LSAMP: variants seen among roughly 807,000 people sequenced by gnomAD.
LSAMP encodes the protein limbic system-associated membrane protein.
LSAMP carries 7 observed loss-of-function variants against 38.6 expected under a neutral mutation model. That is an observed-to-expected ratio of 0.18 (90% CI 0.10 to 0.34). The LOEUF (loss-of-function observed/expected upper bound fraction) is 0.34, where lower values mean the gene tolerates loss of function less well. Ranked by LOEUF, LSAMP falls within the 10% of genes least tolerant of loss-of-function variation. The probability of loss-of-function intolerance (pLI) is 1.00; values close to 1 mark genes in which losing one functional copy is unlikely to be tolerated. For missense variants in LSAMP, 313 were observed against 420.0 expected (o/e 0.75, Z 2.23); for synonymous variants, 154 against 166.8 (o/e 0.92, Z 0.59).
chr3:116,212,711 T>G (rs1489705918), intron 1 of LSAMP, among the ~76,000 whole-genome samples: 2 of 152,222 alleles, frequency 1.3e-5, no homozygotes, highest in African/African-American at 4.8e-5. Flanking sequence ...TATAAGTTTT[T>G]GTAAGTGCTA....
chr3:115,927,931 G>A (rs1175122921), intron 3 of LSAMP, among the ~76,000 whole-genome samples: 3 of 152,182 alleles, frequency 2.0e-5, no homozygotes, highest in Non-Finnish European at 2.9e-5. Context: ...CCAAGGAATT[G>A]TTACTTGATA....
chr3:116,366,017 A>T (rs1280384286), intron 1 of LSAMP, among the ~76,000 whole-genome samples: 33 of 137,822 alleles, frequency 2.4e-4, no homozygotes, highest in African/African-American at 7.3e-4. Flanking sequence ...GTATAATAAA[A>T]AAAAAAAAAA....
At chr3:116,251,260 A>T (rs1435314319) in intron 1 of LSAMP, among the ~76,000 whole-genome samples, 1 of 152,234 alleles carries the variant, frequency 6.6e-6, no homozygotes, top group Non-Finnish European at 1.5e-5. Context: ...TTCTCTGATG[A>T]AATCCTCACT....
chr3:116,310,049 A>G (rs115192806), intron 1 of LSAMP, among the ~76,000 whole-genome samples: 71 of 152,188 alleles, frequency 4.7e-4, no homozygotes, highest in African/African-American at 1.7e-3. Context: ...ATTCCTCATA[A>G]CTCTCAGTCC....
chr3:116,108,332 C>A (rs1189596484), intron 1 of LSAMP, among the ~76,000 whole-genome samples: 1 of 151,962 alleles, frequency 6.6e-6, no homozygotes, highest in East Asian at 1.9e-4. Flanking sequence ...AAAAGGAGTG[C>A]TTAAAAGAGT....
chr3:115,919,200 C>A (rs987007466), intron 3 of LSAMP, among the ~76,000 whole-genome samples: 3 of 152,176 alleles, frequency 2.0e-5, no homozygotes, highest in African/African-American at 7.2e-5. Flanking sequence ...CTTCCTGAAT[C>A]TAGAAATTAA....
intron 2 of LSAMP, among the ~76,000 whole-genome samples, chr3:116,029,840 T>G (rs1429691098): frequency 3.3e-5 from 5 of 152,024 alleles, no homozygotes; most frequent in Admixed American, 3.3e-4. Context: ...TAAAGCACAC[T>G]CTTTTGGGCC....
At chr3:116,027,225 C>G (rs1353621209) in intron 2 of LSAMP, among the ~76,000 whole-genome samples, 1 of 152,066 alleles carries the variant, frequency 6.6e-6, no homozygotes, top group Non-Finnish European at 1.5e-5. Flanking sequence ...CCCACTTGTG[C>G]AAAATAAAGA....
chr3:116,392,292 G>T (rs2048712713), intron 1 of LSAMP, among the ~76,000 whole-genome samples: 1 of 152,184 alleles, frequency 6.6e-6, no homozygotes, highest in African/African-American at 2.4e-5. Context: ...ACTCTAGGGG[G>T]CCTGGGAAGG....
chr3:116,354,708 A>G (rs1248099250), intron 1 of LSAMP, among the ~76,000 whole-genome samples: 1 of 152,234 alleles, frequency 6.6e-6, no homozygotes, highest in Non-Finnish European at 1.5e-5. Context: ...ATGCATACTC[A>G]AAAGGAAGTA....
Position 116,444,888 on chromosome 3 carries a change from T to G in LSAMP, c.144A>C (p.Thr48=), listed in dbSNP as rs1334123609. The G allele has an allele frequency of 6.2e-7, 1 of 1,613,948 alleles. No homozygotes were observed. The highest frequency in any genetic ancestry group is 1.3e-5 in the African/African-American group (1 of 74,892). The part of the protein sequence containing the change: ...TDNITVRQGD[T]AILRCVVEDK... ...CCCGAAAGCCCTACCTGAGGATGGC[T>G]GTGTCCCCCTGCCTCACGGTGATGT... Residue 48 remains threonine (T), a synonymous_variant, in exon 1 of 7, where the codon ACA becomes ACC. Coordinates refer to ENST00000490035, the MANE Select transcript of LSAMP (RefSeq NM_002338.5).
chr3:116,034,367 T>C (rs1343547946), intron 2 of LSAMP, among the ~76,000 whole-genome samples: 1 of 152,076 alleles, frequency 6.6e-6, no homozygotes, highest in Non-Finnish European at 1.5e-5. Context: ...TTTTAATCCA[T>C]GAGGAAAGGG....
chr3:115,948,424 A>G (rs1405459214), intron 3 of LSAMP, among the ~76,000 whole-genome samples: 1 of 152,184 alleles, frequency 6.6e-6, no homozygotes, highest in Non-Finnish European at 1.5e-5. Flanking sequence ...AAATCATATC[A>G]AGTATCCTCT....
intron 1 of LSAMP, among the ~76,000 whole-genome samples, chr3:116,353,970 C>T (rs895510156): frequency 6.6e-6 from 1 of 152,188 alleles, no homozygotes; most frequent in Admixed American, 6.5e-5. Context: ...AAATTTTATT[C>T]TGAACTTGAC....
rs529810025 is a variant in LSAMP at position 116,036,151 on chromosome 3, A to G, written c.389-16511T>C. On this transcript the variant is annotated intron_variant, in intron 2 of 6. Coordinates refer to ENST00000490035, the MANE Select transcript of LSAMP (RefSeq NM_002338.5). ...TGACCAAAATGACTCTGATGAAAGC[A>G]TCATTAAGAAGAGAAAATTACACAA... 3.7e-4 allele frequency among the ~76,000 whole-genome samples: 56 copies of G among 152,344 alleles called. 2 individuals carry two copies. The highest frequency in any genetic ancestry group is 3.3e-3 in the Admixed American group (50 of 15,300).
intron 1 of LSAMP, among the ~76,000 whole-genome samples, chr3:116,091,591 G>A (rs889209181): frequency 1.3e-5 from 2 of 152,158 alleles, no homozygotes; most frequent in Admixed American, 6.5e-5. Flanking sequence ...CACAATCCAC[G>A]TTCTTCTGTC....
intron 1 of LSAMP, among the ~76,000 whole-genome samples, chr3:116,128,194 A>C (rs747219397): frequency 1.3e-5 from 2 of 152,252 alleles, no homozygotes; most frequent in Non-Finnish European, 2.9e-5. Context: ...TTGCCCTAGC[A>C]AGAGCATTAC....
intron 3 of LSAMP, among the ~76,000 whole-genome samples, chr3:115,942,542 A>C (rs184450504): frequency 6.6e-6 from 1 of 152,276 alleles, no homozygotes; most frequent in Non-Finnish European, 1.5e-5. Context: ...CCTTTCTCTA[A>C]AATTTGAACT....
chr3:115,821,737 A>C (rs1934246656), intron 6 of LSAMP, among the ~76,000 whole-genome samples: 2 of 152,196 alleles, frequency 1.3e-5, no homozygotes, highest in South Asian at 4.1e-4. Context: ...TTTATCCTCC[A>C]GTTCCTGAAA....
Sources: allele counts gnomAD v4.1 joint callset (sites outside exome capture counted in the v4.1 genomes callset), GRCh38; gene constraint gnomAD v4.1.1; transcripts MANE v1.5; gene names NCBI Gene and HGNC (gene_info 2026-07-23, HGNC 2026-07-21).